Variants in FOXP4 observed in about 807,000 individuals in gnomAD.
FOXP4 encodes the protein forkhead box P4.
FOXP4 carries 25 observed loss-of-function variants against 82.6 expected under a neutral mutation model. The observed-to-expected ratio is 0.30, with a 90% CI of 0.22 to 0.42. FOXP4 has a LOEUF of 0.42. Ranked by LOEUF, FOXP4 falls within the 10% of genes least tolerant of loss-of-function variation. FOXP4 has a pLI of 1.00. For synonymous variants in FOXP4, 415 were observed against 388.2 expected, an observed-to-expected ratio of 1.07 and a Z score of -0.81; for missense variants, 785 against 900.9, an observed-to-expected ratio of 0.87 and a Z score of 1.65.
At chr6:41,576,540 T>C (rs1765498333) in intron 2 of FOXP4, among the ~76,000 whole-genome samples, 1 of 152,014 alleles carries the variant, frequency 6.6e-6, no homozygotes, top group South Asian at 2.1e-4. Context: ...TGTGGACAGA[T>C]GTGAGAGAGA....
chr6:41,593,943 CAG>C lies in FOXP4; in HGVS notation c.1537-926_1537-925del, dbSNP rs1766667911. 6.6e-6 allele frequency among the ~76,000 whole-genome samples: 1 copy of C among 151,980 alleles called. No homozygotes were observed. Among genetic ancestry groups the C allele is most frequent in the Non-Finnish European group, 1.5e-5 (1 of 67,964 alleles). Reference sequence around the variant, plus strand: ...GGGGAGGCTAAGGGAGGACAGGTAACAGGGTCCAGGGATGCAGGCAGGGATGG... The same window carrying C: ...GGGGAGGCTAAGGGAGGACAGGTAACGGTCCAGGGATGCAGGCAGGGATGG... On this transcript the variant is annotated intron_variant, in intron 13 of 16. Coordinates refer to ENST00000307972, the MANE Select transcript of FOXP4 (RefSeq NM_001012426.2). This position sits in a 1 kb window ranked among gnomAD's most constrained non-coding sequence, Gnocchi z 4.1.
intron 2 of FOXP4, among the ~76,000 whole-genome samples, chr6:41,567,710 T>A (rs1388707666): frequency 6.6e-6 from 1 of 152,172 alleles, no homozygotes; most frequent in East Asian, 1.9e-4. Flanking sequence ...GGGAAATGTT[T>A]AGGGTGGGGA....
intron 2 of FOXP4, among the ~76,000 whole-genome samples, chr6:41,568,834 A>G (rs1765025218): frequency 6.6e-6 from 1 of 152,226 alleles, no homozygotes; most frequent in Admixed American, 6.5e-5. Context: ...AGGGCGAGTC[A>G]GAAGTCAGGC....
chr6:41,592,138 A>G (rs1766556841), intron 13 of FOXP4, among the ~76,000 whole-genome samples: 1 of 152,084 alleles, frequency 6.6e-6, no homozygotes, highest in Non-Finnish European at 1.5e-5. Context: ...TCAGAACCTT[A>G]ATTGGATCCC....
Position 41,587,532 on chromosome 6 carries a change from G to C in FOXP4, c.872+20G>C. ...AGACAGGTACAGGGGTCCAGGCTGG[G>C]AGGGGCATCAAAGGCCTGCCTGGGG... On this transcript the variant is annotated intron_variant, in intron 7 of 16. Coordinates refer to ENST00000307972, the MANE Select transcript of FOXP4 (RefSeq NM_001012426.2). The C allele has an allele frequency of 4.0e-6, 6 of 1,513,242 alleles. No individual in the cohort carries two copies. Among genetic ancestry groups the C allele is most frequent in the Non-Finnish European group, 5.3e-6 (6 of 1,130,116 alleles). The allele number at this position is 1,513,242 out of a possible 1,614,324, so 93.7% of individuals were successfully genotyped here.
Position 41,587,304 on chromosome 6 carries a change from G to A in FOXP4, c.664G>A (p.Val222Ile). 1 of 1,612,870 alleles carries A rather than the reference G, an allele frequency of 6.2e-7. No individual in the cohort carries two copies. The highest frequency in any genetic ancestry group is 8.5e-7 in the Non-Finnish European group (1 of 1,179,848). The change falls in exon 7 of 17, where the codon GTT becomes ATT. Residue 222 changes from valine to isoleucine, a missense_variant. By Grantham distance (29) the Val-to-Ile change is conservative. Coordinates refer to ENST00000307972, the MANE Select transcript of FOXP4 (RefSeq NM_001012426.2). ...CTCCCCTGTCTCTCCCACAGCAGCT[G>A]TTTGCCCAACAGACCTGCCCCAGCT... Reference protein sequence around the residue: ...GPLQTLPQAAVCPTDLPQLWK... With the variant: ...GPLQTLPQAAICPTDLPQLWK...
chr6:41,576,086 C>T (rs531766782), intron 2 of FOXP4, among the ~76,000 whole-genome samples: 1 of 151,710 alleles, frequency 6.6e-6, no homozygotes, highest in East Asian at 1.9e-4. Flanking sequence ...TCCGCAGAGC[C>T]TTTTGACTTA....
At position 41,560,806 on chromosome 6, in the gene FOXP4, G is replaced by C. The variant is rs56835416; in HGVS notation, c.-16-4939G>C. ...TGGCAAATGTTACGGCTCAGATTAA[G>C]CGATTGTTAATTAAAAAGCGACGGT... is the stretch of plus-strand genomic sequence containing the variant. On this transcript the variant is annotated intron_variant, in intron 1 of 16. Transcript: ENST00000307972. 2.4e-3 allele frequency among the ~76,000 whole-genome samples: 364 copies of C among 152,392 alleles called. 1 individual carries two copies. Among genetic ancestry groups the C allele is most frequent in the African/African-American group, 7.8e-3 (326 of 41,606 alleles).
At chr6:41,564,380 C>G (rs1434879569) in intron 1 of FOXP4, among the ~76,000 whole-genome samples, 3 of 152,146 alleles carry the variant, frequency 2.0e-5, no homozygotes, top group Non-Finnish European at 4.4e-5. Context: ...GATTGTGCCA[C>G]TGCACTCTGG....
chr6:41,556,887 C>T (rs939863867), intron 1 of FOXP4, among the ~76,000 whole-genome samples: 3 of 152,206 alleles, frequency 2.0e-5, no homozygotes, highest in African/African-American at 7.2e-5. Context: ...GGGTCCAGTT[C>T]CCTGAAGAGT....
Position 41,600,606 on chromosome 6 carries a change from A to C in FOXP4, c.*1670A>C, listed in dbSNP as rs1485164520. Reference sequence around the variant, plus strand: ...TCCGTTTGACCAGCACAGAAATATTAAACGTCCTCTATTCACCGGGCCCTG... The same window carrying C: ...TCCGTTTGACCAGCACAGAAATATTCAACGTCCTCTATTCACCGGGCCCTG... On this transcript the variant is annotated 3_prime_UTR_variant, in exon 17 of 17. Transcript: ENST00000307972. 1 of 152,396 alleles carries C rather than the reference A, an allele frequency of 6.6e-6. No homozygotes were observed. The allele number at this position is 152,396 out of a possible 1,614,324, so 9.4% of individuals were successfully genotyped here.
intron 2 of FOXP4, among the ~76,000 whole-genome samples, chr6:41,572,204 G>A (rs1048501633): frequency 6.6e-6 from 1 of 152,106 alleles, no homozygotes; most frequent in African/African-American, 2.4e-5. Context: ...GCAGGGCCTC[G>A]CACCATGTGT....
At position 41,599,022 on chromosome 6, in the gene FOXP4, C is replaced by T. The variant is rs536476156; in HGVS notation, c.*86C>T. Reference sequence around the variant, plus strand: ...TCTCCCCCAACTCCACAGCCCCTCCCGAGCCTCAAGGCAAGTCCAGGACTC... The same window carrying T: ...TCTCCCCCAACTCCACAGCCCCTCCTGAGCCTCAAGGCAAGTCCAGGACTC... On this transcript the variant is annotated 3_prime_UTR_variant, in exon 17 of 17. Coordinates refer to ENST00000307972, the MANE Select transcript of FOXP4 (RefSeq NM_001012426.2). 1.4e-5 allele frequency: 20 copies of T among 1,448,498 alleles called. No individual in the cohort carries two copies. In the South Asian group the frequency reaches 1.9e-4, roughly 14 times the overall value. 89.7% of individuals were successfully genotyped at this position (1,448,498 alleles called of 1,614,324 possible). A position where few individuals can be genotyped will look rare whatever the true frequency, so the allele number is the denominator to read the frequency against.
intron 9 of FOXP4, 127 bp downstream of exon 9, chr6:41,588,858 T>C (rs1766324424): frequency 1.0e-6 from 1 of 987,056 alleles, no homozygotes; most frequent in Non-Finnish European, 1.5e-6. Context: ...AAAGCCACCA[T>C]CTTATGCTTT....
intron 2 of FOXP4, among the ~76,000 whole-genome samples, chr6:41,572,216 C>T (rs1007362652): frequency 2.6e-5 from 4 of 152,134 alleles, no homozygotes; most frequent in African/African-American, 9.7e-5. Context: ...ACCATGTGTT[C>T]CCTCCACCTC....
intron 15 of FOXP4, 137 bp downstream of exon 15, chr6:41,597,379 C>A: frequency 1.2e-6 from 1 of 864,514 alleles, no homozygotes; most frequent in Non-Finnish European, 1.8e-6. Context: ...TCCGAGACCC[C>A]ACCTCTCTGC....
chr6:41,585,827 T>A (rs1766084129), intron 5 of FOXP4, among the ~76,000 whole-genome samples: 1 of 151,880 alleles, frequency 6.6e-6, no homozygotes, highest in Non-Finnish European at 1.5e-5. Flanking sequence ...TGCCTTGTGG[T>A]CGCACCATCT....
At position 41,586,576 on chromosome 6, in the gene FOXP4, C is replaced by T. The variant is rs576586178; in HGVS notation, c.511-433C>T. Among the ~76,000 whole-genome samples the T allele has an allele frequency of 6.5e-4, 99 of 152,326 alleles. 1 individual carries two copies. The South Asian group carries it at 8.3e-3, about 13-fold the overall frequency. The stretch of plus-strand genomic sequence containing the variant: ...AAAAGAGCTGGGGGAGAGAAAACTC[C>T]CTCCCCAGAGCAGAAGGGGGCACCC... On this transcript the variant is annotated intron_variant, in intron 5 of 16. Transcript: ENST00000307972.
intron 2 of FOXP4, among the ~76,000 whole-genome samples, chr6:41,573,475 T>C (rs1450000878): frequency 6.6e-6 from 1 of 151,958 alleles, no homozygotes; most frequent in Non-Finnish European, 1.5e-5. Flanking sequence ...GACTTCTGAA[T>C]GGGGGATGGG....
Sources: gnomAD v4.1 joint callset for allele counts (sites outside exome capture counted in the v4.1 genomes callset) on GRCh38, gnomAD v4.1.1 for gene constraint, Gnocchi (gnomAD v3.1) non-coding constraint, MANE v1.5 for transcripts, NCBI Gene and HGNC (gene_info 2026-07-23, HGNC 2026-07-21) for gene names.